SS18: variants seen among roughly 807,000 people sequenced by gnomAD.
SS18 encodes SS18 subunit of BAF chromatin remodeling complex.
A neutral mutation model predicts 72.5 loss-of-function variants in SS18; 28 were observed. The observed-to-expected ratio is 0.39, with a 90% CI of 0.29 to 0.53. The LOEUF (loss-of-function observed/expected upper bound fraction) is 0.53, where lower values mean the gene tolerates loss of function less well. Ranked by LOEUF, SS18 falls within the 20% of genes least tolerant of loss-of-function variation. The pLI is 0.76. For missense variants in SS18, 518 were observed against 535.3 expected (o/e 0.97, Z 0.32); for synonymous variants, 172 against 164.2 (o/e 1.05, Z -0.37).
intron 10 of SS18, among the ~76,000 whole-genome samples, chr18:26,032,187 C>T (rs1157339135): frequency 6.6e-6 from 1 of 151,842 alleles, no homozygotes; most frequent in African/African-American, 2.4e-5. Context: ...TATGATAAGG[C>T]CATGTTTTAT....
At chr18:26,057,776 C>A in intron 3 of SS18, 34 bp from the exon 4 acceptor site, 1 of 1,565,968 alleles carries the variant, frequency 6.4e-7, no homozygotes, top group South Asian at 1.2e-5. Flanking sequence ...ACAAGAGAAA[C>A]AGACTAATAT....
intron 4 of SS18, among the ~76,000 whole-genome samples, chr18:26,055,931 G>C (rs1568012133): frequency 6.6e-6 from 1 of 151,800 alleles, no homozygotes; most frequent in Non-Finnish European, 1.5e-5. Flanking sequence ...CTAATTTTTT[G>C]TATTTTTAGT....
chr18:26,068,009 G>A (rs1448086566), intron 3 of SS18, among the ~76,000 whole-genome samples: 1 of 152,126 alleles, frequency 6.6e-6, no homozygotes, highest in East Asian at 1.9e-4. Context: ...TCACCTTCCT[G>A]AGAATCTAAT....
At chr18:26,043,605 A>G (rs1306335770) in intron 5 of SS18, among the ~76,000 whole-genome samples, 2 of 152,224 alleles carry the variant, frequency 1.3e-5, no homozygotes, top group Admixed American at 1.3e-4. Context: ...CTGCTTAAAA[A>G]GAATAGGATT....
chr18:26,028,197 GA>G (rs2053483759), intron 10 of SS18, among the ~76,000 whole-genome samples: 1 of 152,138 alleles, frequency 6.6e-6, no homozygotes, highest in Non-Finnish European at 1.5e-5. Flanking sequence ...AGTGAGAGAA[GA>G]TGGTCAACAT....
At chr18:26,075,779 A>C (rs1215301832) in intron 3 of SS18, among the ~76,000 whole-genome samples, 1 of 151,970 alleles carries the variant, frequency 6.6e-6, no homozygotes, top group Non-Finnish European at 1.5e-5. Flanking sequence ...ATTGACAAGA[A>C]AGAAACAAAA....
intron 3 of SS18, among the ~76,000 whole-genome samples, chr18:26,062,043 T>C (rs749044437): frequency 3.0e-4 from 45 of 152,118 alleles, no homozygotes; most frequent in Non-Finnish European, 5.6e-4. Context: ...GGGGAATCCC[T>C]TGAGGCCAGG....
intron 10 of SS18, among the ~76,000 whole-genome samples, chr18:26,026,761 T>C (rs1035050954): frequency 6.6e-6 from 1 of 152,128 alleles, no homozygotes; most frequent in African/African-American, 2.4e-5. Flanking sequence ...AAAACACTAC[T>C]AGATGTGATT....
At chr18:26,058,227 T>C (rs2054059923) in intron 3 of SS18, among the ~76,000 whole-genome samples, 1 of 152,132 alleles carries the variant, frequency 6.6e-6, no homozygotes, top group African/African-American at 2.4e-5. Flanking sequence ...AAGACAACAG[T>C]TCAACATTTT....
intron 2 of SS18, chr18:26,084,188 A>G (rs766323626): frequency 3.3e-5 from 5 of 152,184 alleles, no homozygotes; most frequent in African/African-American, 4.8e-5. Context: ...GGAAGAATTA[A>G]AGAAAATAAA....
intron 6 of SS18, among the ~76,000 whole-genome samples, chr18:26,039,048 T>C (rs2053674512): frequency 1.3e-5 from 2 of 151,764 alleles, no homozygotes; most frequent in South Asian, 4.1e-4. Context: ...TATTTTCTGC[T>C]GTGAATTAGT....
chr18:26,089,707 G>C (rs1451345286), intron 1 of SS18: 1 of 152,352 alleles, frequency 6.6e-6, no homozygotes, highest in African/African-American at 2.4e-5. Context: ...GACTGCAGCA[G>C]CTCTATCCTT....
intron 3 of SS18, among the ~76,000 whole-genome samples, chr18:26,060,922 C>T (rs375503446): frequency 3.3e-4 from 49 of 150,338 alleles, no homozygotes; most frequent in Middle Eastern, 3.5e-3. Context: ...CATCACTGCA[C>T]TCCAGCCTGG....
chr18:26,035,199 CATAGCCAACA>C lies in SS18; in HGVS notation c.974-82_974-73del, dbSNP rs2053607553. 2.7e-6 allele frequency: 4 copies of C among 1,508,006 alleles called. No individual in the cohort carries two copies. The highest frequency in any genetic ancestry group is 3.6e-6 in the Non-Finnish European group (4 of 1,108,340). 93.4% of individuals were successfully genotyped at this position (1,508,006 alleles called of 1,614,324 possible). ...AAGTAACTTTTTTCCCTCTAAGATG[CATAGCCAACA>C]ACACAAGAACAAAATGAAATGCCAT... On this transcript the variant is annotated intron_variant, in intron 8 of 10. Coordinates refer to ENST00000415083, the MANE Select transcript of SS18 (RefSeq NM_001007559.3). This position sits in a 1 kb window ranked among gnomAD's most constrained non-coding sequence, Gnocchi z 4.4.
At chr18:26,066,751 T>C (rs547615859) in intron 3 of SS18, among the ~76,000 whole-genome samples, 4 of 152,206 alleles carry the variant, frequency 2.6e-5, no homozygotes, top group Admixed American at 2.6e-4. Flanking sequence ...CTAAGATATT[T>C]GAAAAAGAAG....
In SS18 at chr18:26,090,539, G is replaced by T; in HGVS notation, c.31C>A (p.Arg11=). ...GCGGGAGTGATCTCCCCCTTGCCTCGCTGCCTCGGGGCCGCGAAAGCCACA... is the reference window on the plus strand; with the variant it reads ...GCGGGAGTGATCTCCCCCTTGCCTCTCTGCCTCGGGGCCGCGAAAGCCACA... The part of the protein sequence containing the change: MSVAFAAPRQ[R]GKGEITPAAI... Residue 11 remains arginine (R), a synonymous_variant, in exon 1 of 11, where the codon CGA becomes AGA. Transcript: ENST00000415083. 6.3e-7 allele frequency: 1 copy of T among 1,588,626 alleles called. No homozygotes were observed.
chr18:26,020,646 A>T (rs1189551135), intron 10 of SS18, among the ~76,000 whole-genome samples: 1 of 152,206 alleles, frequency 6.6e-6, no homozygotes, highest in Non-Finnish European at 1.5e-5. Context: ...GAAAACAGAG[A>T]AGACTCAGAA....
In SS18 at chr18:26,035,200, A is replaced by G; in HGVS notation, c.974-73T>C. The G allele has an allele frequency of 6.6e-7, 1 of 1,512,884 alleles. No individual in the cohort carries two copies. Among genetic ancestry groups the G allele is most frequent in the Non-Finnish European group, 9.0e-7 (1 of 1,111,440 alleles). The allele number at this position is 1,512,884 out of a possible 1,614,324, so 93.7% of individuals were successfully genotyped here. On this transcript the variant is annotated intron_variant, in intron 8 of 10. Coordinates refer to ENST00000415083, the MANE Select transcript of SS18 (RefSeq NM_001007559.3). This position sits in a 1 kb window ranked among gnomAD's most constrained non-coding sequence, Gnocchi z 4.4. Reference sequence around the variant, plus strand: ...AGTAACTTTTTTCCCTCTAAGATGCATAGCCAACAACACAAGAACAAAATG... The same window carrying G: ...AGTAACTTTTTTCCCTCTAAGATGCGTAGCCAACAACACAAGAACAAAATG...
chr18:26,076,522 A>T (rs899101306), intron 3 of SS18, among the ~76,000 whole-genome samples: 1 of 152,008 alleles, frequency 6.6e-6, no homozygotes, highest in African/African-American at 2.4e-5. Flanking sequence ...CCTAGCTGGT[A>T]GTCAAGTTGA....
Sources: allele counts gnomAD v4.1 joint callset (sites outside exome capture counted in the v4.1 genomes callset), GRCh38; gene constraint gnomAD v4.1.1; non-coding constraint Gnocchi (gnomAD v3.1); transcripts MANE v1.5; gene names NCBI Gene and HGNC (gene_info 2026-07-23, HGNC 2026-07-21).